Variants in VAMP7 observed in about 807,000 individuals in gnomAD.
VAMP7 encodes vesicle-associated membrane protein 7.
In VAMP7, 14 loss-of-function variants were observed where a neutral mutation model predicts 29.6. That is an observed-to-expected ratio of 0.47 (90% CI 0.31 to 0.74). VAMP7 has a LOEUF of 0.74. Among genes scored for constraint, VAMP7 ranks in the 30% least tolerant of loss-of-function variants. The pLI is 0.05. For missense variants in VAMP7, 223 were observed against 262.4 expected (o/e 0.85, Z 1.04); for synonymous variants, 95 against 88.1 (o/e 1.08, Z -0.44).
At chrX:155,892,954 T>C (rs893730061) in intron 2 of VAMP7, among the ~76,000 whole-genome samples, 3 of 152,062 alleles carry the variant, frequency 2.0e-5, no homozygotes, top group African/African-American at 4.8e-5. Context: ...GGTTTCACCA[T>C]GTTGGCCAGG....
intron 1 of VAMP7, among the ~76,000 whole-genome samples, chrX:155,882,210 A>G (rs2065810701): frequency 6.6e-6 from 1 of 152,146 alleles, no homozygotes; most frequent in Non-Finnish European, 1.5e-5. Context: ...CATACATTTA[A>G]CAAATATTTA....
intron 2 of VAMP7, among the ~76,000 whole-genome samples, chrX:155,893,635 C>G (rs951735752): frequency 6.6e-6 from 1 of 152,252 alleles, no homozygotes; most frequent in East Asian, 1.9e-4. Context: ...CAGATGGCCA[C>G]CTTCTTGCTG....
intron 6 of VAMP7, among the ~76,000 whole-genome samples, chrX:155,934,411 T>C (rs1342786110): frequency 6.6e-6 from 1 of 152,206 alleles, no homozygotes; most frequent in East Asian, 1.9e-4. Context: ...ATATTTAGGA[T>C]AGTTAGCTCT....
intron 5 of VAMP7, among the ~76,000 whole-genome samples, chrX:155,911,468 G>GT (rs1339135970): frequency 6.6e-6 from 1 of 152,000 alleles, no homozygotes; most frequent in Non-Finnish European, 1.5e-5. Flanking sequence ...TTTTAGGATT[G>GT]TTTTTTCTGT....
intron 5 of VAMP7, among the ~76,000 whole-genome samples, chrX:155,915,171 T>C (rs2066293074): frequency 6.6e-6 from 1 of 152,332 alleles, no homozygotes. Context: ...TAGTATTCTC[T>C]GATGGTAGTT....
At position 155,919,332 on chromosome X, in the gene VAMP7, G is replaced by T. The variant is rs1257242702; in HGVS notation, c.434-481G>T. On this transcript the variant is annotated intron_variant, in intron 5 of 7. Coordinates refer to ENST00000286448, the MANE Select transcript of VAMP7 (RefSeq NM_005638.6). ...CTTTCTGATTCAGTCTTGGTAGGTT[G>T]CATGTGTCCTGGGATTTATCCATTT... Among the ~76,000 whole-genome samples, 4 of 152,110 alleles carry T rather than the reference G, an allele frequency of 2.6e-5. No homozygotes were observed. The East Asian group carries it at 7.7e-4, about 29-fold the overall frequency.
intron 5 of VAMP7, among the ~76,000 whole-genome samples, chrX:155,904,430 T>C (rs2124293010): frequency 6.6e-6 from 1 of 152,280 alleles, no homozygotes; most frequent in Non-Finnish European, 1.5e-5. Flanking sequence ...TTCATTTTTT[T>C]AACAGCTTAA....
At chrX:155,896,687 A>G (rs1177660060) in intron 3 of VAMP7, among the ~76,000 whole-genome samples, 1 of 152,006 alleles carries the variant, frequency 6.6e-6, no homozygotes, top group Non-Finnish European at 1.5e-5. Context: ...TCCCAGCTGC[A>G]TGCCCTCCCC....
chrX:155,913,435 G>A (rs2066266749), intron 5 of VAMP7, among the ~76,000 whole-genome samples: 1 of 152,116 alleles, frequency 6.6e-6, no homozygotes, highest in Non-Finnish European at 1.5e-5. Flanking sequence ...TTTTAGTCAT[G>A]AAATCTTTGC....
At position 155,898,153 on chromosome X, in the gene VAMP7, A is replaced by G. The variant is rs778002287; in HGVS notation, c.246A>G (p.Ile82Met). 1.2e-6 allele frequency: 2 copies of G among 1,613,488 alleles called. No individual in the cohort carries two copies. The highest frequency in any genetic ancestry group is 3.3e-5 in the Admixed American group (2 of 59,954). The change falls in exon 4 of 8, where the codon ATA becomes ATG. Residue 82 changes from isoleucine (I) to methionine (M), a missense_variant. Ile to Met is a conservative substitution (Grantham distance 10). Coordinates refer to ENST00000286448, the MANE Select transcript of VAMP7 (RefSeq NM_005638.6). ...RSRAFNFLNE[I>M]KKRFQTTYGS... ...GAGCCTTTAATTTTCTGAATGAGAT[A>G]AAGAAGAGGTTCCAGACTACTTACG...
At chrX:155,930,377 C>A (rs186805381) in intron 6 of VAMP7, among the ~76,000 whole-genome samples, 1 of 151,876 alleles carries the variant, frequency 6.6e-6, no homozygotes, top group African/African-American at 2.4e-5. Flanking sequence ...TAGCTCATAC[C>A]TATAATCCTA....
At chrX:155,915,668 G>T (rs972468793) in intron 5 of VAMP7, among the ~76,000 whole-genome samples, 11 of 152,144 alleles carry the variant, frequency 7.2e-5, no homozygotes, top group African/African-American at 2.7e-4. Flanking sequence ...ATGTAGTTGT[G>T]CAGTTTTGAG....
intron 6 of VAMP7, among the ~76,000 whole-genome samples, chrX:155,930,032 A>C (rs898316974): frequency 1.3e-5 from 2 of 152,216 alleles, no homozygotes; most frequent in African/African-American, 2.4e-5. Flanking sequence ...GAGTTTGGGA[A>C]GATACCAAAT....
intron 6 of VAMP7, among the ~76,000 whole-genome samples, chrX:155,927,481 CAAAAAAAAAA>C (rs531998416): frequency 2.3e-4 from 26 of 111,604 alleles, no homozygotes; most frequent in African/African-American, 7.5e-4. Context: ...TTCGATTTGC[CAAAAAAAAAA>C]AAAAAAAAAA....
chrX:155,923,547 TCTG>T (rs1341018589), intron 6 of VAMP7, among the ~76,000 whole-genome samples: 1 of 151,980 alleles, frequency 6.6e-6, no homozygotes, highest in Admixed American at 6.6e-5. Context: ...TGACAAGAAT[TCTG>T]CTGTCATTCT....
intron 6 of VAMP7, among the ~76,000 whole-genome samples, chrX:155,932,229 T>C (rs1027350928): frequency 2.0e-5 from 3 of 152,212 alleles, no homozygotes; most frequent in African/African-American, 7.2e-5. Flanking sequence ...AAGTAGTTTT[T>C]TCCAATTCAG....
rs749716806 is a variant in VAMP7, at chrX:155,937,494, G to C, written c.502-2207G>C. On this transcript the variant is annotated intron_variant, in intron 6 of 7. Coordinates refer to ENST00000286448, the MANE Select transcript of VAMP7 (RefSeq NM_005638.6). The stretch of plus-strand genomic sequence containing the variant: ...TTGATTGTGGTAATAATTTCACAAT[G>C]TGTACATTTATCAGAATATCACATT... Among the ~76,000 whole-genome samples the C allele has an allele frequency of 1.3e-3, 204 of 152,234 alleles. 3 individuals carry two copies. The highest frequency in any genetic ancestry group is 4.5e-3 in the African/African-American group (188 of 41,536).
At chrX:155,905,566 G>A (rs758366093) in intron 5 of VAMP7, among the ~76,000 whole-genome samples, 1 of 152,114 alleles carries the variant, frequency 6.6e-6, no homozygotes, top group South Asian at 2.1e-4. Flanking sequence ...GATCTATTTT[G>A]AGTTAATGTT....
chrX:155,918,810 A>T (rs1015109982), intron 5 of VAMP7, among the ~76,000 whole-genome samples: 1 of 152,100 alleles, frequency 6.6e-6, no homozygotes, highest in African/African-American at 2.4e-5. Flanking sequence ...TTTTTATCAG[A>T]TGCTTTCTCT....
Sources: gnomAD v4.1 joint callset for allele counts (sites outside exome capture counted in the v4.1 genomes callset) on GRCh38, gnomAD v4.1.1 for gene constraint, MANE v1.5 for transcripts, NCBI Gene and HGNC (gene_info 2026-07-23, HGNC 2026-07-21) for gene names.